PECR: variants seen among roughly 807,000 people sequenced by gnomAD.
The protein encoded by PECR is 2,4-dienoyl-CoA reductase-related protein.
Under a neutral mutation model 35.3 loss-of-function variants are expected in PECR, and 30 were observed. That is an observed-to-expected ratio of 0.85 (90% CI 0.64 to 1.15). The LOEUF is 1.15. PECR is among the 50% of genes most tolerant of loss of function. PECR has a pLI of 0.00. For missense variants in PECR, 392 were observed against 370.8 expected (o/e 1.06, Z -0.47); for synonymous variants, 148 against 138.9 (o/e 1.07, Z -0.46).
At chr2:216,079,151 C>CTTT (rs77646025) in intron 1 of PECR, among the ~76,000 whole-genome samples, 1 of 99,394 alleles carries the variant, frequency 1.0e-5, no homozygotes, top group African/African-American at 3.3e-5. Context: ...AATGTTTTTG[C>CTTT]TTTTTTTTTT....
At chr2:216,029,475 C>G (rs992313645) in intron 7 of PECR, among the ~76,000 whole-genome samples, 2 of 151,862 alleles carry the variant, frequency 1.3e-5, no homozygotes, top group South Asian at 4.2e-4. Context: ...GACTCCATCT[C>G]AAAAGAAGGA....
At chr2:216,045,895 C>T (rs1010075189) in intron 6 of PECR, among the ~76,000 whole-genome samples, 17 of 152,100 alleles carry the variant, frequency 1.1e-4, no homozygotes, top group Non-Finnish European at 2.2e-4. Context: ...CACAAAAAAC[C>T]GGCCAGACGC....
rs1392696065 is a variant in PECR at position 216,038,414 on chromosome 2, A to G, written c.*861T>C. ...AAATCACATAAAACTTTTTCTTTGA[A>G]TTAAGAGAATTTATACAAATTTGAC... On this transcript the variant is annotated 3_prime_UTR_variant, in exon 8 of 8. Transcript: ENST00000265322. The G allele has an allele frequency of 6.6e-6, 1 of 152,222 alleles. No individual in the cohort carries two copies. The highest frequency in any genetic ancestry group is 1.5e-5 in the Non-Finnish European group (1 of 68,030). The allele number at this position is 152,222 out of a possible 1,614,324, so 9.4% of individuals were successfully genotyped here.
rs1487739781 is a variant in PECR, at chr2:216,039,311, C to T, written c.876G>A (p.Lys292=). 1.2e-6 allele frequency: 2 copies of T among 1,610,622 alleles called. No individual in the cohort carries two copies. Among genetic ancestry groups the T allele is most frequent in the South Asian group, 1.1e-5 (1 of 91,012 alleles). The change falls in exon 8 of 8, where the codon AAG becomes AAA. Residue 292 remains lysine (K), a synonymous_variant. Transcript: ENST00000265322. ...KGAGDLSVVK[K]MKETFKEKAK... is the part of the protein sequence containing the mutation. Reference sequence around the variant, plus strand: ...CTTTCTCCTTAAAGGTCTCCTTCATCTTTTTGACAACAGAAAGGTCCCCTG... The same window carrying T: ...CTTTCTCCTTAAAGGTCTCCTTCATTTTTTTGACAACAGAAAGGTCCCCTG...
At chr2:216,048,637 G>A (rs1310996690) in intron 6 of PECR, among the ~76,000 whole-genome samples, 1 of 151,790 alleles carries the variant, frequency 6.6e-6, no homozygotes. Context: ...TTGAACCCAG[G>A]AGGTGGAAGT....
intron 4 of PECR, among the ~76,000 whole-genome samples, chr2:216,055,317 A>C (rs1175677391): frequency 1.3e-5 from 2 of 151,684 alleles, no homozygotes; most frequent in African/African-American, 4.8e-5. Context: ...CATGCCTGTA[A>C]TCCCAGCTAC....
chr2:216,039,416 C>A (rs374883128), intron 7 of PECR, 56 bp from the exon 8 acceptor site: 607 of 931,958 alleles, frequency 6.5e-4, no homozygotes, highest in Non-Finnish European at 1.0e-3. Context: ...GCCCTCTTCA[C>A]TCCCACCAAA....
intron 1 of PECR, among the ~76,000 whole-genome samples, chr2:216,075,742 T>G (rs1695685132): frequency 1.3e-5 from 2 of 152,298 alleles, no homozygotes; most frequent in East Asian, 3.9e-4. Context: ...CTGATCCCTT[T>G]CCATCTTCAA....
downstream of PECR, chr2:216,034,238 G>GT (rs2105937757): frequency 6.6e-6 from 1 of 152,372 alleles, no homozygotes; most frequent in South Asian, 2.1e-4. Flanking sequence ...AAGTTTTACA[G>GT]TTGCAGAATA....
chr2:216,041,514 T>C (rs1694885801), intron 7 of PECR, among the ~76,000 whole-genome samples: 1 of 151,608 alleles, frequency 6.6e-6, no homozygotes, highest in Non-Finnish European at 1.5e-5. Flanking sequence ...AGTTCTATAC[T>C]GTGATATTGT....
At chr2:216,046,262 G>T in intron 6 of PECR, among the ~76,000 whole-genome samples, 1 of 140,020 alleles carries the variant, frequency 7.1e-6, no homozygotes, top group Non-Finnish European at 1.5e-5. Context: ...TATAGATAAT[G>T]TAAACCACAT....
intron 3 of PECR, among the ~76,000 whole-genome samples, chr2:216,062,007 G>A (rs921148857): frequency 6.6e-6 from 1 of 151,652 alleles, no homozygotes; most frequent in African/African-American, 2.4e-5. Flanking sequence ...GAGGGAGAGA[G>A]AGAGAAAGAG....
chr2:216,075,461 T>C (rs1266517744), intron 1 of PECR, among the ~76,000 whole-genome samples: 1 of 152,166 alleles, frequency 6.6e-6, no homozygotes, highest in Non-Finnish European at 1.5e-5. Context: ...GTAAAGCTCA[T>C]TTTTTTCTTT....
chr2:216,049,281 T>G lies in PECR; in HGVS notation c.696A>C (p.Arg232=), dbSNP rs1290011762. 1.3e-6 allele frequency: 2 copies of G among 1,558,346 alleles called. No homozygotes were observed. The highest frequency in any genetic ancestry group is 1.8e-6 in the Non-Finnish European group (2 of 1,129,196). Residue 232 remains arginine, a synonymous_variant, in exon 6 of 8, where the codon CGA becomes CGC. Transcript: ENST00000265322. ...EGSFQKIPAK[R]IGVPEEVSSV... Reference sequence around the variant, plus strand: ...ACCTTACCTCCTCAGGAACACCAATTCGTTTAGCGGGGATTTTCTGAAAAG... The same window carrying G: ...ACCTTACCTCCTCAGGAACACCAATGCGTTTAGCGGGGATTTTCTGAAAAG...
rs777384648 is a variant in PECR at position 216,065,492 on chromosome 2, T to C, written c.259-15A>G. The C allele has an allele frequency of 6.5e-7, 1 of 1,529,448 alleles. No homozygotes were observed. The highest frequency in any genetic ancestry group is 1.7e-4 in the Middle Eastern group (1 of 5,882). 94.7% of individuals were successfully genotyped at this position (1,529,448 alleles called of 1,614,324 possible). A position where few individuals can be genotyped will look rare whatever the true frequency, so the allele number is the denominator to read the frequency against. ...AAATTATTCACCTAAAGAAGAACAGTAGAAGTTACTAAAAGGAAAAGTTTA... is the reference window on the plus strand; with the variant it reads ...AAATTATTCACCTAAAGAAGAACAGCAGAAGTTACTAAAAGGAAAAGTTTA... On this transcript the variant is annotated splice_polypyrimidine_tract_variant and intron_variant, in intron 2 of 7. Transcript: ENST00000265322.
chr2:216,079,229 G>A (rs1045514367), intron 1 of PECR, among the ~76,000 whole-genome samples: 3 of 146,482 alleles, frequency 2.0e-5, no homozygotes, highest in South Asian at 2.1e-4. Flanking sequence ...AAACACAGTC[G>A]TAACCAAAGA....
At chr2:216,060,713 C>T (rs1695322010) in intron 3 of PECR, among the ~76,000 whole-genome samples, 1 of 152,004 alleles carries the variant, frequency 6.6e-6, no homozygotes, top group Admixed American at 6.6e-5. Context: ...TTATTACCTA[C>T]TAAAGGGAAC....
At chr2:216,062,960 A>G (rs1318800272) in intron 3 of PECR, among the ~76,000 whole-genome samples, 1 of 152,226 alleles carries the variant, frequency 6.6e-6, no homozygotes, top group Non-Finnish European at 1.5e-5. Flanking sequence ...GGTACACTCC[A>G]TGATGTTCAT....
At chr2:216,050,899 TA>T (rs34775320) in intron 5 of PECR, 3,495 of 102,340 alleles carry the variant, frequency 0.034, 98 homozygotes, top group African/African-American at 0.096. Flanking sequence ...AGACTCCTTC[TA>T]AAAAAAAAAA....
Sources: allele counts gnomAD v4.1 joint callset (sites outside exome capture counted in the v4.1 genomes callset), GRCh38; gene constraint gnomAD v4.1.1; transcripts MANE v1.5; gene names NCBI Gene and HGNC (gene_info 2026-07-23, HGNC 2026-07-21).